The following GPSM2 variants were observed in gnomAD, a reference collection of about 807,000 sequenced individuals.
GPSM2 encodes G protein-signaling modulator 2.
GPSM2 carries 58 observed loss-of-function variants against 78.4 expected under a neutral mutation model. The observed-to-expected ratio is 0.74, with a 90% CI of 0.60 to 0.92. The LOEUF is 0.92. Among genes scored for constraint, GPSM2 ranks in the 40% least tolerant of loss-of-function variants. The pLI is 0.00. For missense variants in GPSM2, 700 were observed against 815.5 expected (o/e 0.86, Z 1.73); for synonymous variants, 224 against 280.2 (o/e 0.80, Z 2.00).
chr1:108,931,099 T>C lies in GPSM2; in HGVS notation c.*1159T>C, dbSNP rs1651875056. 2.9e-6 allele frequency: 1 copy of C among 339,984 alleles called. No homozygotes were observed. 21.1% of individuals were successfully genotyped at this position (339,984 alleles called of 1,614,324 possible). On this transcript the variant is annotated 3_prime_UTR_variant, in exon 15 of 15. Transcript: ENST00000264126. ...TGTTTTGGGCTGTTTAAAAAAATTA[T>C]TTAAAATGGTCTCTTCTGTTCCATA...
At chr1:108,913,639 A>G (rs1049788676) in intron 10 of GPSM2, among the ~76,000 whole-genome samples, 1 of 152,238 alleles carries the variant, frequency 6.6e-6, no homozygotes, top group East Asian at 1.9e-4. Context: ...AAAATGCATA[A>G]AAGCGCAGGG....
At position 108,919,713 on chromosome 1, in the gene GPSM2, G is replaced by A. The variant is rs959551707; in HGVS notation, c.1440+924G>A. On this transcript the variant is annotated intron_variant, in intron 12 of 14. Transcript: ENST00000264126. ...GAGCAAGACCCTGTCTCAAAAAAAA[G>A]AGAAAAATGATCATAACAATCAGTT... 1.7e-4 allele frequency among the ~76,000 whole-genome samples: 26 copies of A among 151,508 alleles called. 1 individual carries two copies.
intron 1 of GPSM2, among the ~76,000 whole-genome samples, chr1:108,880,659 TATTA>T (rs907133756): frequency 2.6e-4 from 39 of 152,208 alleles, no homozygotes; most frequent in African/African-American, 9.4e-4. Context: ...TATGTATATG[TATTA>T]ATTGATTGAA....
intron 14 of GPSM2, 71 bp from the exon 15 acceptor site, chr1:108,929,630 T>C: frequency 7.0e-7 from 1 of 1,427,444 alleles, no homozygotes; most frequent in East Asian, 2.3e-5. Context: ...TTGTTGTGAC[T>C]GAGAGATTTA....
intron 2 of GPSM2, among the ~76,000 whole-genome samples, chr1:108,890,475 A>G (rs1023922876): frequency 6.6e-6 from 1 of 152,218 alleles, no homozygotes; most frequent in Non-Finnish European, 1.5e-5. Context: ...ACTTTGCTAT[A>G]GGACTTCACC....
Sources: gnomAD v4.1 joint callset for allele counts (sites outside exome capture counted in the v4.1 genomes callset) on GRCh38, gnomAD v4.1.1 for gene constraint, MANE v1.5 for transcripts, NCBI Gene and HGNC (gene_info 2026-07-23, HGNC 2026-07-21) for gene names.